The following COL5A1 variants were observed in gnomAD, a reference collection of about 807,000 sequenced individuals.
The protein encoded by COL5A1 is collagen alpha-1(V) chain.
A neutral mutation model predicts 263.7 loss-of-function variants in COL5A1; 16 were observed. The ratio of observed to expected loss-of-function variants is 0.06; its 90% confidence interval spans 0.04 to 0.09. The LOEUF is 0.09. COL5A1 is among the 10% of genes least tolerant of loss of function. The pLI is 1.00. For synonymous variants in COL5A1, 1,012 were observed against 1,004.5 expected, an observed-to-expected ratio of 1.01 and a Z score of -0.14; for missense variants, 2,036 against 2,540.5, an observed-to-expected ratio of 0.80 and a Z score of 4.27.
chr9:134,735,438 G>T (rs1037376469), intron 9 of COL5A1, among the ~76,000 whole-genome samples: 2 of 151,914 alleles, frequency 1.3e-5, no homozygotes, highest in Non-Finnish European at 2.9e-5. Context: ...TTCCTCTTTC[G>T]CTGGGTCAAT....
chr9:134,748,882 A>T (rs1356958802), intron 11 of COL5A1, among the ~76,000 whole-genome samples: 6 of 152,214 alleles, frequency 3.9e-5, no homozygotes, highest in Admixed American at 3.9e-4. Flanking sequence ...GTTGCCAAGG[A>T]TATCTACAGA....
chr9:134,728,901 G>C, intron 6 of COL5A1, 94 bp downstream of exon 6: 9 of 1,526,632 alleles, frequency 5.9e-6, no homozygotes, highest in Non-Finnish European at 8.1e-6. Context: ...CAGGGTAGAG[G>C]GTTGGGGGCT....
chr9:134,830,222 G>A (rs762858045), intron 64 of COL5A1, 178 bp downstream of exon 64: 70 of 1,566,210 alleles, frequency 4.5e-5, no homozygotes, highest in East Asian at 4.2e-4. Context: ...GCCTGCTTGC[G>A]GCACGGCTGG....
At chr9:134,694,989 G>T (rs1202941035) in intron 2 of COL5A1, among the ~76,000 whole-genome samples, 1 of 152,136 alleles carries the variant, frequency 6.6e-6, no homozygotes, top group African/African-American at 2.4e-5. Flanking sequence ...TAATGACCCA[G>T]ATCTGAGCTG....
At chr9:134,705,791 C>G (rs1330747208) in intron 4 of COL5A1, among the ~76,000 whole-genome samples, 2 of 152,164 alleles carry the variant, frequency 1.3e-5, no homozygotes, top group Admixed American at 1.3e-4. Context: ...CATGAGCTGT[C>G]CCTTTTCTCA....
Position 134,792,142 on chromosome 9 carries a change from C to T in COL5A1, c.2700+2934C>T, listed in dbSNP as rs556026022. Among the ~76,000 whole-genome samples the T allele has an allele frequency of 2.0e-4, 31 of 152,322 alleles. 1 individual carries two copies. In the South Asian group the frequency reaches 4.8e-3, roughly 23 times the overall value. ...ACAGGGCCGAGCCCGGCAAGGGAGA[C>T]GTGGGAGTGGGCTGTGGGCTGCAGA... On this transcript the variant is annotated intron_variant, in intron 32 of 65. Transcript: ENST00000371817.
intron 62 of COL5A1, 125 bp downstream of exon 62, chr9:134,824,980 C>T: frequency 7.4e-7 from 1 of 1,345,772 alleles, no homozygotes; most frequent in Non-Finnish European, 9.9e-7. Flanking sequence ...CCGCAGCCTC[C>T]CCATCTGTGG....
chr9:134,701,253 G>T lies in COL5A1; in HGVS notation c.574G>T (p.Asp192Tyr), dbSNP rs138579182. ...TAAAAAGAAGACCACCAAATTCCTCGACCGCAGCGACCACCCCATGATCGA... is the reference window on the plus strand; with the variant it reads ...TAAAAAGAAGACCACCAAATTCCTCTACCGCAGCGACCACCCCATGATCGA... ...DCKKKTTKFLDRSDHPMIDIN... is the reference protein window; with the variant it reads ...DCKKKTTKFLYRSDHPMIDIN... Residue 192 changes from aspartate to tyrosine, a missense_variant, in exon 4 of 66, where the codon GAC becomes TAC. Asp to Tyr is a radical substitution (Grantham distance 160). Transcript: ENST00000371817. The T allele has an allele frequency of 2.5e-6, 4 of 1,613,830 alleles. No individual in the cohort carries two copies. The highest frequency in any genetic ancestry group is 2.7e-5 in the African/African-American group (2 of 74,976).
At chr9:134,740,373 C>A (rs1229191938) in intron 11 of COL5A1, among the ~76,000 whole-genome samples, 1 of 152,216 alleles carries the variant, frequency 6.6e-6, no homozygotes, top group Non-Finnish European at 1.5e-5. Flanking sequence ...TGAGATGGGG[C>A]AACGGCCAAG....
Position 134,652,342 on chromosome 9 carries a change from G to A in COL5A1, c.109+10046G>A, listed in dbSNP as rs1378385514. 1.3e-5 allele frequency among the ~76,000 whole-genome samples: 2 copies of A among 151,614 alleles called. No individual in the cohort carries two copies. The highest frequency in any genetic ancestry group is 2.0e-4 in the East Asian group (1 of 5,102). On this transcript the variant is annotated intron_variant, in intron 1 of 65. Coordinates refer to ENST00000371817, the MANE Select transcript of COL5A1 (RefSeq NM_000093.5). The surrounding 1 kb of genome is among the most constrained non-coding windows in gnomAD (Gnocchi z 4.4). ...ACAGCAGGCAGACCCAGTGTAACAC[G>A]GCTCTGCTGGGTGGGGCAAGGAGAT...
chr9:134,821,628 C>T lies in COL5A1; in HGVS notation c.4555-469C>T, dbSNP rs1243973628. 6.6e-6 allele frequency among the ~76,000 whole-genome samples: 1 copy of T among 152,158 alleles called. No individual in the cohort carries two copies. Among genetic ancestry groups the T allele is most frequent in the African/African-American group, 2.4e-5 (1 of 41,428 alleles). ...TTCCACGCTCCAAGGATGCAGAAAG[C>T]ACATTTACAGGCAGGACAGGACAGT... On this transcript the variant is annotated intron_variant, in intron 58 of 65. Transcript: ENST00000371817. The surrounding 1 kb of genome is among the most constrained non-coding windows in gnomAD (Gnocchi z 4.2).
intron 65 of COL5A1, among the ~76,000 whole-genome samples, chr9:134,839,206 C>T (rs1466184920): frequency 6.6e-6 from 1 of 152,242 alleles, no homozygotes; most frequent in Admixed American, 6.5e-5. Flanking sequence ...CACAAATCAC[C>T]TGCAAGAGGG....
intron 1 of COL5A1, among the ~76,000 whole-genome samples, chr9:134,654,789 T>C (rs111207680): frequency 0.025 from 3,024 of 121,672 alleles, 114 homozygotes; most frequent in African/African-American, 0.085. Flanking sequence ...GGCTGGGGTG[T>C]GTAGACCTCG....
At position 134,729,288 on chromosome 9, in the gene COL5A1, G is replaced by C. The variant is rs532220519; in HGVS notation, c.924+481G>C. ...ATTGGGGAGGGTTGTGAGGGTGCGT[G>C]AGCGGCAGTGAGAGCCGGAGGGTCA... On this transcript the variant is annotated intron_variant, in intron 6 of 65. Coordinates refer to ENST00000371817, the MANE Select transcript of COL5A1 (RefSeq NM_000093.5). Among the ~76,000 whole-genome samples the C allele has an allele frequency of 2.0e-5, 3 of 152,354 alleles. No individual in the cohort carries two copies. In the South Asian group the frequency reaches 6.2e-4, roughly 32 times the overall value.
At chr9:134,684,078 G>C (rs1832940050) in intron 1 of COL5A1, among the ~76,000 whole-genome samples, 1 of 152,232 alleles carries the variant, frequency 6.6e-6, no homozygotes, top group Admixed American at 6.5e-5. Context: ...TGTTGTTGGT[G>C]GAGAAGCGTT....
At position 134,742,166 on chromosome 9, in the gene COL5A1, C is replaced by G. The variant is rs770929664; in HGVS notation, c.1494+3358C>G. On this transcript the variant is annotated intron_variant, in intron 11 of 65. Transcript: ENST00000371817. The surrounding 1 kb of genome is among the most constrained non-coding windows in gnomAD (Gnocchi z 4.6). ...GTGAGCCCTGCACACTCTCCCGCTG[C>G]TCCCCTTGGATGACCTTCCATGCTG... Among the ~76,000 whole-genome samples, 2 of 152,220 alleles carry G rather than the reference C, an allele frequency of 1.3e-5. No individual in the cohort carries two copies. The highest frequency in any genetic ancestry group is 2.9e-5 in the Non-Finnish European group (2 of 68,036).
In COL5A1 at chr9:134,843,540, T is replaced by A. The variant is rs1830163349; in HGVS notation, c.*1237T>A. On this transcript the variant is annotated 3_prime_UTR_variant, in exon 66 of 66. Transcript: ENST00000371817. ...TCACTTTCCTTTCCACTGGGCAGGA[T>A]AGCCAAGCACACTCCCTCCTGCGCT... 6.5e-6 allele frequency: 1 copy of A among 152,720 alleles called. No homozygotes were observed. Among genetic ancestry groups the A allele is most frequent in the Non-Finnish European group, 1.5e-5 (1 of 68,078 alleles). 9.5% of individuals were successfully genotyped at this position (152,720 alleles called of 1,614,324 possible). A position where few individuals can be genotyped will look rare whatever the true frequency, so the allele number is the denominator to read the frequency against.
chr9:134,751,657 C>T (rs1006310402), intron 13 of COL5A1, among the ~76,000 whole-genome samples: 6 of 9,334 alleles, frequency 6.4e-4, no homozygotes, highest in Admixed American at 1.4e-3. Flanking sequence ...AACACTGCCC[C>T]GTGGGGCGGG....
At position 134,765,864 on chromosome 9, in the gene COL5A1, G is replaced by A; in HGVS notation, c.2088+130G>A. 4.2e-6 allele frequency: 3 copies of A among 718,784 alleles called. No individual in the cohort carries two copies. Among genetic ancestry groups the A allele is most frequent in the South Asian group, 1.8e-5 (1 of 56,728 alleles). The allele number at this position is 718,784 out of a possible 1,614,324, so 44.5% of individuals were successfully genotyped here. A position where few individuals can be genotyped will look rare whatever the true frequency, so the allele number is the denominator to read the frequency against. On this transcript the variant is annotated intron_variant, in intron 21 of 65. Transcript: ENST00000371817. The surrounding 1 kb of genome is among the most constrained non-coding windows in gnomAD (Gnocchi z 5.1). ...CCCCTCTGGCGCCTGCCTGCTGCCA[G>A]TGTGAGGCGTGAGCGGGACACTGAT...
Sources: allele counts gnomAD v4.1 joint callset (sites outside exome capture counted in the v4.1 genomes callset), GRCh38; gene constraint gnomAD v4.1.1; non-coding constraint Gnocchi (gnomAD v3.1); transcripts MANE v1.5; gene names NCBI Gene and HGNC (gene_info 2026-07-23, HGNC 2026-07-21).